The following OSBPL5 variants were observed in gnomAD, a reference collection of about 807,000 sequenced individuals.
The protein encoded by OSBPL5 is oxysterol-binding protein-related protein 5.
Under a neutral mutation model 111.2 loss-of-function variants are expected in OSBPL5, and 71 were observed. The ratio of observed to expected loss-of-function variants is 0.64; its 90% CI spans 0.53 to 0.78. The LOEUF is 0.78. OSBPL5 is among the 30% of genes least tolerant of loss of function. The pLI, the probability that OSBPL5 is intolerant of heterozygous loss-of-function variation, is 0.00. For missense variants in OSBPL5, 1,210 were observed against 1,189.3 expected, an observed-to-expected ratio of 1.02 and a Z score of -0.26; for synonymous variants, 549 against 513.9, an observed-to-expected ratio of 1.07 and a Z score of -0.93.
intron 14 of OSBPL5, among the ~76,000 whole-genome samples, chr11:3,099,904 A>G (rs1350499479): frequency 6.6e-6 from 1 of 151,946 alleles, no homozygotes; most frequent in African/African-American, 2.4e-5. Context: ...CCCTGTCTCT[A>G]CTAAAAATAC....
At chr11:3,095,495 C>T (rs930200895) in intron 14 of OSBPL5, among the ~76,000 whole-genome samples, 7 of 152,070 alleles carry the variant, frequency 4.6e-5, no homozygotes, top group African/African-American at 9.7e-5. Flanking sequence ...AGGAAGAATA[C>T]CAGCAGAGGT....
chr11:3,141,565 T>C lies in OSBPL5; in HGVS notation c.-21-12396A>G, dbSNP rs1846116539. Among the ~76,000 whole-genome samples, 1 of 152,118 alleles carries C rather than the reference T, an allele frequency of 6.6e-6. No individual in the cohort carries two copies. Among genetic ancestry groups the C allele is most frequent in the South Asian group, 2.1e-4 (1 of 4,820 alleles). ...CAGGAAATGGCATTAATGGGGTCCATTATGGCCCGAGTTGCGCAGAGAGGA... is the reference window on the plus strand; with the variant it reads ...CAGGAAATGGCATTAATGGGGTCCACTATGGCCCGAGTTGCGCAGAGAGGA... On this transcript the variant is annotated intron_variant, in intron 1 of 21. Transcript: ENST00000263650. This position sits in a 1 kb window ranked among gnomAD's most constrained non-coding sequence, Gnocchi z 6.5.
chr11:3,091,706 GGCAGAGCATGGGACAT>G (rs1857060476), intron 19 of OSBPL5, among the ~76,000 whole-genome samples: 1 of 152,182 alleles, frequency 6.6e-6, no homozygotes. Context: ...TCCCTTGGCA[GGCAGAGCATGGGACAT>G]GCAGCCAAGG....
intron 1 of OSBPL5, among the ~76,000 whole-genome samples, chr11:3,156,564 C>G (rs970476831): frequency 6.6e-6 from 1 of 151,918 alleles, no homozygotes; most frequent in African/African-American, 2.4e-5. Context: ...GCTCTGGGGC[C>G]CTCCCTACAC....
At chr11:3,114,218 T>C (rs972061295) in intron 7 of OSBPL5, among the ~76,000 whole-genome samples, 2 of 152,076 alleles carry the variant, frequency 1.3e-5, no homozygotes, top group Admixed American at 6.5e-5. Flanking sequence ...AGATCATGTA[T>C]AAAACAAGGT....
rs1212771050 is a variant in OSBPL5, at chr11:3,105,059, G to T, written c.1060-682C>A. Reference sequence around the variant, plus strand: ...CCACAGCTCCAGAATACATGACTTGGGGTGGCGGGGCTCCCCTTACTCACT... The same window carrying T: ...CCACAGCTCCAGAATACATGACTTGTGGTGGCGGGGCTCCCCTTACTCACT... On this transcript the variant is annotated intron_variant, in intron 9 of 21. Coordinates refer to ENST00000263650, the MANE Select transcript of OSBPL5 (RefSeq NM_020896.4). The surrounding 1 kb of genome is among the most constrained non-coding windows in gnomAD (Gnocchi z 5.2). Among the ~76,000 whole-genome samples the T allele has an allele frequency of 6.6e-6, 1 of 152,056 alleles. No individual in the cohort carries two copies. Among genetic ancestry groups the T allele is most frequent in the Non-Finnish European group, 1.5e-5 (1 of 68,012 alleles).
rs1268251811 is a variant in OSBPL5 at position 3,103,843 on chromosome 11, GCCCCTTTCCAGTCTGCGCAGC to G, written c.1244+329_1244+349del. 4.7e-3 allele frequency among the ~76,000 whole-genome samples: 349 copies of G among 74,658 alleles called. 6 individuals carry two copies. Among genetic ancestry groups the G allele is most frequent in the Admixed American group, 6.1e-3 (44 of 7,202 alleles). 49.0% of individuals were successfully genotyped at this position (74,658 alleles called of 152,430 possible). A position where few individuals can be genotyped will look rare whatever the true frequency, so the allele number is the denominator to read the frequency against. ...GCGCAGCCCCCTTCCAGCCTCTGCA[GCCCCTTTCCAGTCTGCGCAGC>G]CCCCTTCCTGCCTCTGTAGCCCCAT... On this transcript the variant is annotated intron_variant, in intron 10 of 21. Coordinates refer to ENST00000263650, the MANE Select transcript of OSBPL5 (RefSeq NM_020896.4).
rs1030599630 is a variant in OSBPL5 at position 3,122,040 on chromosome 11, G to A, written c.359C>T (p.Ala120Val). Residue 120 changes from alanine to valine, a missense_variant, in exon 5 of 22, where the codon GCT (alanine) becomes GTT (valine). Physicochemically the swap from Ala to Val is moderately conservative, Grantham distance 64 (BLOSUM62 0). Transcript: ENST00000263650. ...KKRATRQLLS[A>V]LTDPSVVIMA... ...GATGACCACGCTGGGGTCTGTCAGA[G>A]CGCTGAGCAGCTGCCGTGTGGCGCG... 13 of 1,582,668 alleles carry A rather than the reference G, an allele frequency of 8.2e-6. No individual in the cohort carries two copies. Among genetic ancestry groups the A allele is most frequent in the Non-Finnish European group, 1.1e-5 (13 of 1,168,940 alleles).
chr11:3,128,869 A>C, intron 2 of OSBPL5, 144 bp downstream of exon 2: 29 of 735,802 alleles, frequency 3.9e-5, no homozygotes, highest in Non-Finnish European at 5.3e-5. Context: ...CTACCAAGCT[A>C]CAAACCGTTT....
In OSBPL5 at chr11:3,093,669, C is replaced by T. The variant is rs373641841; in HGVS notation, c.1810-6G>A. On this transcript the variant is annotated splice_region_variant and splice_polypyrimidine_tract_variant and intron_variant, in intron 16 of 21. Transcript: ENST00000263650. The stretch of plus-strand genomic sequence containing the variant: ...TTGATAAACACGTCCCTGTCCTGCC[C>T]CAGATGGCCAGCGGGGTCAGAGGCT... 6 of 1,613,142 alleles carry T rather than the reference C, an allele frequency of 3.7e-6. No individual in the cohort carries two copies. Among genetic ancestry groups the T allele is most frequent in the Non-Finnish European group, 5.1e-6 (6 of 1,179,952 alleles).
At chr11:3,088,602 T>G (rs1406367349) in intron 21 of OSBPL5, among the ~76,000 whole-genome samples, 5 of 152,054 alleles carry the variant, frequency 3.3e-5, no homozygotes, top group Admixed American at 1.3e-4. Context: ...GAGTCAGCCT[T>G]TTACATCCTC....
In OSBPL5 at chr11:3,093,756, C is replaced by T. The variant is rs969553433; in HGVS notation, c.1799G>A (p.Ser600Asn). Residue 600 changes from serine to asparagine, a missense_variant, in exon 16 of 22, where the codon AGT (serine) becomes AAT (asparagine). Ser to Asn is a conservative substitution (Grantham distance 46). Coordinates refer to ENST00000263650, the MANE Select transcript of OSBPL5 (RefSeq NM_020896.4). ...GGGACGGCCCCTTACCCAGTGGCCA[C>T]TGAGGCTCGCCAGGACTTCCTCTCC... The part of the protein sequence containing the change: ...TSGEEVLASL[S>N]GHWDRDVFIK... The T allele has an allele frequency of 1.9e-6, 3 of 1,613,146 alleles. No homozygotes were observed. The highest frequency in any genetic ancestry group is 1.1e-5 in the South Asian group (1 of 91,086).
At chr11:3,124,573 T>C (rs1411596713) in intron 3 of OSBPL5, among the ~76,000 whole-genome samples, 1 of 152,118 alleles carries the variant, frequency 6.6e-6, no homozygotes, top group Non-Finnish European at 1.5e-5. Flanking sequence ...CTCCTTTCTT[T>C]CTCAGGCTCC....
In OSBPL5 at chr11:3,142,467, C is replaced by T. The variant is rs922974278; in HGVS notation, c.-21-13298G>A. ...GCCACAAGGGCCCAGGATCCCTCCC[C>T]ACTCGCTGCTCCGTGTCCCAGGAGG... On this transcript the variant is annotated intron_variant, in intron 1 of 21. Coordinates refer to ENST00000263650, the MANE Select transcript of OSBPL5 (RefSeq NM_020896.4). This position sits in a 1 kb window ranked among gnomAD's most constrained non-coding sequence, Gnocchi z 7.1. Among the ~76,000 whole-genome samples, 18 of 152,096 alleles carry T rather than the reference C, an allele frequency of 1.2e-4. No homozygotes were observed. Among genetic ancestry groups the T allele is most frequent in the African/African-American group, 4.4e-4 (18 of 41,356 alleles).
intron 1 of OSBPL5, among the ~76,000 whole-genome samples, chr11:3,145,497 G>A (rs1282048709): frequency 2.6e-5 from 4 of 152,212 alleles, no homozygotes; most frequent in Non-Finnish European, 5.9e-5. Flanking sequence ...CCTGCCCAGC[G>A]AGTTGGCACT....
intron 6 of OSBPL5, 150 bp downstream of exon 6, chr11:3,120,271 G>A: frequency 1.1e-6 from 1 of 935,072 alleles, no homozygotes; most frequent in Admixed American, 2.5e-5. Context: ...TGATCCCCTG[G>A]CCGCATGTGG....
At position 3,109,546 on chromosome 11, in the gene OSBPL5, G is replaced by A. The variant is rs907019209; in HGVS notation, c.692-1601C>T. ...TGAGATCCATTAAATCCTGCTCTTC[G>A]TGGGGCATCTCAGGGTCCAGTGTAG... On this transcript the variant is annotated intron_variant, in intron 7 of 21. Transcript: ENST00000263650. The surrounding 1 kb of genome is among the most constrained non-coding windows in gnomAD (Gnocchi z 7.4). Among the ~76,000 whole-genome samples, 5 of 152,136 alleles carry A rather than the reference G, an allele frequency of 3.3e-5. No individual in the cohort carries two copies. The highest frequency in any genetic ancestry group is 1.9e-4 in the East Asian group (1 of 5,192).
rs191858605 is a variant in OSBPL5 at position 3,141,641 on chromosome 11, G to A, written c.-21-12472C>T. Among the ~76,000 whole-genome samples the A allele has an allele frequency of 2.7e-4, 41 of 152,296 alleles. No individual in the cohort carries two copies. The highest frequency in any genetic ancestry group is 7.7e-4 in the African/African-American group (32 of 41,552). ...CTCCAAGGGGAACCCTTCTATGAAC[G>A]GAAAGCTCGCACCTCGCTCAATGCA... On this transcript the variant is annotated intron_variant, in intron 1 of 21. Coordinates refer to ENST00000263650, the MANE Select transcript of OSBPL5 (RefSeq NM_020896.4). This position sits in a 1 kb window ranked among gnomAD's most constrained non-coding sequence, Gnocchi z 6.5.
intron 12 of OSBPL5, 23 bp downstream of exon 12, chr11:3,102,160 G>A (rs374459636): frequency 2.5e-5 from 39 of 1,569,976 alleles, no homozygotes; most frequent in East Asian, 7.0e-5. Flanking sequence ...CACCCAGGCC[G>A]GTTGCAGCAG....
Sources: gnomAD v4.1 joint callset for allele counts (sites outside exome capture counted in the v4.1 genomes callset) on GRCh38, gnomAD v4.1.1 for gene constraint, Gnocchi (gnomAD v3.1) non-coding constraint, MANE v1.5 for transcripts, NCBI Gene and HGNC (gene_info 2026-07-23, HGNC 2026-07-21) for gene names.